The following DOCK2 variants were observed in gnomAD, a reference collection of about 807,000 sequenced individuals.
The protein encoded by DOCK2 is dedicator of cytokinesis protein 2.
A neutral mutation model predicts 248.9 loss-of-function variants in DOCK2; 87 were observed. The ratio of observed to expected loss-of-function variants is 0.35; its 90% CI spans 0.29 to 0.42. The LOEUF (loss-of-function observed/expected upper bound fraction) is 0.42. Ranked by LOEUF, DOCK2 falls within the 10% of genes least tolerant of loss-of-function variation. DOCK2 has a pLI of 1.00. For missense variants in DOCK2, 1,747 were observed against 2,300.2 expected (o/e 0.76, Z 4.92); for synonymous variants, 805 against 821.6 (o/e 0.98, Z 0.35).
At chr5:169,927,868 G>A (rs774107918) in intron 27 of DOCK2, among the ~76,000 whole-genome samples, 3 of 152,054 alleles carry the variant, frequency 2.0e-5, no homozygotes, top group Non-Finnish European at 2.9e-5. Flanking sequence ...CACCCGTCTC[G>A]GCCTCCCAAA....
intron 30 of DOCK2, among the ~76,000 whole-genome samples, chr5:169,996,387 A>G (rs1349595806): frequency 6.6e-6 from 1 of 152,180 alleles, no homozygotes; most frequent in African/African-American, 2.4e-5. Context: ...GTGACGGTAT[A>G]ATGGCCTCTT....
At chr5:169,698,895 G>A (rs74766446) in intron 11 of DOCK2, among the ~76,000 whole-genome samples, 4,406 of 152,260 alleles carry the variant, frequency 0.029, 226 homozygotes, top group African/African-American at 0.1. Flanking sequence ...CTCATGGATA[G>A]ACGTATCCAT....
intron 6 of DOCK2, among the ~76,000 whole-genome samples, chr5:169,677,873 C>T (rs1759422040): frequency 6.6e-6 from 1 of 152,130 alleles, no homozygotes; most frequent in Non-Finnish European, 1.5e-5. Flanking sequence ...GCAGGGGTTT[C>T]AAAAAGGGAA....
intron 27 of DOCK2, among the ~76,000 whole-genome samples, chr5:169,928,470 C>T (rs1459356260): frequency 6.6e-6 from 1 of 152,202 alleles, no homozygotes; most frequent in Non-Finnish European, 1.5e-5. Flanking sequence ...CCAGCCTCCT[C>T]GCTTCCCCAT....
At chr5:170,056,493 T>C in intron 42 of DOCK2, 191 bp from the exon 43 acceptor site, 1 of 525,830 alleles carries the variant, frequency 1.9e-6, no homozygotes, top group South Asian at 2.8e-5. Context: ...TAAATTGCCT[T>C]GTCAGGAAAG....
At chr5:170,080,005 C>G in intron 49 of DOCK2, 158 bp from the exon 50 acceptor site, 1 of 1,272,666 alleles carries the variant, frequency 7.9e-7, no homozygotes. Flanking sequence ...ATGTGGCAGG[C>G]TGGCATGGAA....
chr5:169,711,650 A>G (rs1275947285), intron 15 of DOCK2, among the ~76,000 whole-genome samples: 2 of 152,214 alleles, frequency 1.3e-5, no homozygotes, highest in African/African-American at 2.4e-5. Context: ...TGTGACTTTT[A>G]TATCAATTTG....
At chr5:169,993,716 C>A (rs1267771081) in intron 29 of DOCK2, among the ~76,000 whole-genome samples, 1 of 152,136 alleles carries the variant, frequency 6.6e-6, no homozygotes. Context: ...CTTGGACCAC[C>A]CAAAATCCAC....
intron 16 of DOCK2, 55 bp from the exon 17 acceptor site, chr5:169,712,065 G>A (rs1012251413): frequency 3.1e-6 from 5 of 1,613,642 alleles, no homozygotes; most frequent in Non-Finnish European, 4.2e-6. Context: ...AAGAATGGAA[G>A]AGCTGGGTGG....
chr5:169,935,350 C>T (rs1262370420), intron 27 of DOCK2, among the ~76,000 whole-genome samples: 6 of 152,118 alleles, frequency 3.9e-5, no homozygotes, highest in South Asian at 2.1e-4. Flanking sequence ...ATCTCACTTG[C>T]GCCCTTCTGC....
Position 170,012,752 on chromosome 5 carries a change from G to A in DOCK2, c.3232+4006G>A, listed in dbSNP as rs147593346. ...GCATCGTAACACTTGATTTCTGCTC[G>A]GCATGAAGAAATGCACATTTTGCTC... On this transcript the variant is annotated intron_variant, in intron 32 of 51. Coordinates refer to ENST00000520908, the MANE Select transcript of DOCK2 (RefSeq NM_004946.3). 9.5e-3 allele frequency among the ~76,000 whole-genome samples: 1,448 copies of A among 152,228 alleles called. 9 individuals are homozygous for A. Among genetic ancestry groups the A allele is most frequent in the Non-Finnish European group, 0.012 (783 of 68,010 alleles).
chr5:169,709,968 A>G (rs1194437442), intron 15 of DOCK2, among the ~76,000 whole-genome samples: 2 of 152,202 alleles, frequency 1.3e-5, no homozygotes, highest in African/African-American at 2.4e-5. Flanking sequence ...TCTGTTGAAC[A>G]TATTTTAGAA....
At chr5:169,670,913 G>A (rs1759015739) in intron 4 of DOCK2, among the ~76,000 whole-genome samples, 165 bp from the exon 5 acceptor site, 1 of 152,198 alleles carries the variant, frequency 6.6e-6, no homozygotes, top group African/African-American at 2.4e-5. Flanking sequence ...AACAAAGCAA[G>A]TCCCTTGTAT....
chr5:169,762,880 C>G (rs1764569488), intron 25 of DOCK2, among the ~76,000 whole-genome samples: 1 of 152,216 alleles, frequency 6.6e-6, no homozygotes, highest in Non-Finnish European at 1.5e-5. Context: ...AATATTTATG[C>G]AAATTGCCTG....
chr5:169,693,295 G>A (rs1216169101), intron 9 of DOCK2, among the ~76,000 whole-genome samples: 1 of 152,136 alleles, frequency 6.6e-6, no homozygotes, highest in Non-Finnish European at 1.5e-5. Context: ...TTGGAAGTGA[G>A]CATTGTGTGT....
chr5:169,702,506 C>G (rs905941770), intron 14 of DOCK2, 79 bp downstream of exon 14: 2 of 1,578,888 alleles, frequency 1.3e-6, no homozygotes, highest in African/African-American at 2.7e-5. Flanking sequence ...TTTCCTCTCC[C>G]TGATTCTGTT....
chr5:169,743,015 GA>G (rs1290639359), intron 22 of DOCK2, among the ~76,000 whole-genome samples: 1 of 152,182 alleles, frequency 6.6e-6, no homozygotes. Flanking sequence ...TTCTAGGCCA[GA>G]AAAAATGTTT....
At chr5:169,765,997 T>C (rs1764763540) in intron 25 of DOCK2, among the ~76,000 whole-genome samples, 1 of 152,240 alleles carries the variant, frequency 6.6e-6, no homozygotes, top group Admixed American at 6.5e-5. Context: ...ATATCTTTTC[T>C]AATCAACATA....
chr5:169,847,952 G>T (rs1315002905), intron 27 of DOCK2, among the ~76,000 whole-genome samples: 1 of 152,232 alleles, frequency 6.6e-6, no homozygotes, highest in East Asian at 1.9e-4. Context: ...ACATATTCTT[G>T]CTTCCTTTAA....
Sources: gnomAD v4.1 joint callset for allele counts (sites outside exome capture counted in the v4.1 genomes callset) on GRCh38, gnomAD v4.1.1 for gene constraint, MANE v1.5 for transcripts, NCBI Gene and HGNC (gene_info 2026-07-23, HGNC 2026-07-21) for gene names.